The following DCBLD2 variants were observed in gnomAD, a reference collection of about 807,000 sequenced individuals.
The protein encoded by DCBLD2 is discoidin, CUB and LCCL domain-containing protein 2.
DCBLD2 carries 54 observed loss-of-function variants against 86.8 expected under a neutral mutation model. The ratio of observed to expected loss-of-function variants is 0.62; its 90% CI spans 0.50 to 0.78. DCBLD2 has a LOEUF of 0.78. DCBLD2 is among the 30% of genes least tolerant of loss of function. The pLI is 0.00. For missense variants in DCBLD2, 908 were observed against 954.2 expected (o/e 0.95, Z 0.64); for synonymous variants, 354 against 341.3 (o/e 1.04, Z -0.41).
chr3:98,855,944 C>G (rs1002418564), intron 2 of DCBLD2, among the ~76,000 whole-genome samples: 10 of 152,154 alleles, frequency 6.6e-5, no homozygotes, highest in African/African-American at 2.2e-4. Context: ...CTAGCTCTTA[C>G]TAAGTTGACA....
chr3:98,820,263 T>C lies in DCBLD2; in HGVS notation c.856A>G (p.Thr286Ala). Residue 286 changes from threonine (T) to alanine (A), a missense_variant, in exon 7 of 16, where the codon ACA (threonine) becomes GCA (alanine). By Grantham distance (58) the Thr-to-Ala change is moderately conservative (BLOSUM62 0). This residue lies in a region of DCBLD2 where 606 missense variants were observed against 678.5 expected (regional missense o/e 0.89). Coordinates refer to ENST00000326840, the MANE Select transcript of DCBLD2 (RefSeq NM_080927.4). ...AAAGGCTTACCACTTGTCTTAAATG[T>C]AAAAAGACTTGTAGATAAGTGTCCC... is the stretch of plus-strand genomic sequence containing the variant. ...VVGHLSTSLF[T>A]FKTSGCYGTL... 1.4e-6 allele frequency: 2 copies of C among 1,472,546 alleles called. No individual in the cohort carries two copies. The highest frequency in any genetic ancestry group is 9.0e-7 in the Non-Finnish European group (1 of 1,113,088). The allele number at this position is 1,472,546 out of a possible 1,614,324, so 91.2% of individuals were successfully genotyped here.
At chr3:98,811,819 T>C (rs962355571) in intron 10 of DCBLD2, among the ~76,000 whole-genome samples, 3 of 152,186 alleles carry the variant, frequency 2.0e-5, no homozygotes, top group Non-Finnish European at 4.4e-5. Context: ...TGATGTTGAA[T>C]GCTAAAGCTA....
intron 1 of DCBLD2, chr3:98,890,506 G>C (rs1202978968): frequency 6.6e-6 from 1 of 151,864 alleles, no homozygotes; most frequent in East Asian, 1.9e-4. Flanking sequence ...CTTTGTTACA[G>C]CTGCCCTAGG....
At chr3:98,823,109 G>A (rs1388029393) in intron 4 of DCBLD2, among the ~76,000 whole-genome samples, 1 of 152,250 alleles carries the variant, frequency 6.6e-6, no homozygotes, top group Middle Eastern at 3.4e-3. Flanking sequence ...CTGACCTCAG[G>A]TGATCCGCCC....
intron 2 of DCBLD2, among the ~76,000 whole-genome samples, chr3:98,862,867 C>A (rs908733197): frequency 6.6e-6 from 1 of 152,070 alleles, no homozygotes; most frequent in East Asian, 1.9e-4. Flanking sequence ...GAAGTTCTGG[C>A]CAGGGCAATC....
chr3:98,817,058 T>C (rs1239809678), intron 9 of DCBLD2, among the ~76,000 whole-genome samples: 2 of 152,210 alleles, frequency 1.3e-5, no homozygotes, highest in African/African-American at 4.8e-5. Context: ...TGAGCCATCA[T>C]GCCCAGCCCC....
intron 2 of DCBLD2, among the ~76,000 whole-genome samples, chr3:98,877,302 A>G (rs1298437321): frequency 1.3e-5 from 2 of 152,174 alleles, no homozygotes; most frequent in African/African-American, 4.8e-5. Context: ...AGCCTAAAGA[A>G]TTTTTTAATG....
chr3:98,833,610 G>A (rs1374966971), intron 3 of DCBLD2, among the ~76,000 whole-genome samples: 2 of 152,322 alleles, frequency 1.3e-5, no homozygotes, highest in African/African-American at 2.4e-5. Flanking sequence ...GTGGTCAGGT[G>A]GGGGTACAGT....
chr3:98,808,824 T>G (rs1941884951), intron 12 of DCBLD2, among the ~76,000 whole-genome samples: 1 of 152,170 alleles, frequency 6.6e-6, no homozygotes, highest in Non-Finnish European at 1.5e-5. Flanking sequence ...TATTGGCAAT[T>G]CCATTCCTAG....
chr3:98,870,675 AG>A (rs1943245187), intron 2 of DCBLD2, among the ~76,000 whole-genome samples: 3 of 150,468 alleles, frequency 2.0e-5, no homozygotes, highest in Non-Finnish European at 4.4e-5. Context: ...AGAGAGAGAG[AG>A]AGAAATAGAG....
chr3:98,853,899 C>A (rs1217798458), intron 2 of DCBLD2, among the ~76,000 whole-genome samples: 1 of 152,184 alleles, frequency 6.6e-6, no homozygotes, highest in Non-Finnish European at 1.5e-5. Flanking sequence ...AACAAAAGCA[C>A]ATCAGCTCTG....
At chr3:98,867,896 A>G (rs1203923657) in intron 2 of DCBLD2, among the ~76,000 whole-genome samples, 1 of 150,944 alleles carries the variant, frequency 6.6e-6, no homozygotes, top group African/African-American at 2.4e-5. Flanking sequence ...TCCGCCTCCC[A>G]GGTTCATGCC....
At chr3:98,873,630 A>C (rs1943317020) in intron 2 of DCBLD2, among the ~76,000 whole-genome samples, 1 of 152,118 alleles carries the variant, frequency 6.6e-6, no homozygotes, top group Non-Finnish European at 1.5e-5. Flanking sequence ...ATGTGATCAA[A>C]GTAAAATTCA....
chr3:98,807,917 G>T (rs951479913), intron 13 of DCBLD2, 164 bp downstream of exon 13: 4 of 442,584 alleles, frequency 9.0e-6, no homozygotes, highest in Non-Finnish European at 1.5e-5. Context: ...TTGTGGAATT[G>T]AACTTATTTA....
rs1282652991 is a variant in DCBLD2 at position 98,850,247 on chromosome 3, G to A, written c.434-649C>T. Among the ~76,000 whole-genome samples, 4 of 152,122 alleles carry A rather than the reference G, an allele frequency of 2.6e-5. No individual in the cohort carries two copies. The East Asian group carries it at 7.7e-4, about 29-fold the overall frequency. ...GTGCCTCATCTTTTGGTCTCCCTGG[G>A]CCACAGTGGAAAAAGAATTGTCTTG... On this transcript the variant is annotated intron_variant, in intron 2 of 15. Coordinates refer to ENST00000326840, the MANE Select transcript of DCBLD2 (RefSeq NM_080927.4).
intron 2 of DCBLD2, among the ~76,000 whole-genome samples, chr3:98,878,362 C>T (rs1458550937): frequency 1.3e-5 from 2 of 152,112 alleles, no homozygotes; most frequent in African/African-American, 4.8e-5. Context: ...AATGAGGAAG[C>T]ATCAGACACA....
intron 3 of DCBLD2, among the ~76,000 whole-genome samples, chr3:98,835,938 C>CTTTCTTTATTTTT (rs56279917): frequency 8.7e-6 from 1 of 115,054 alleles, no homozygotes; most frequent in Non-Finnish European, 1.8e-5. Context: ...TCCTTTCTTT[C>CTTTCTTTATTTTT]TTTTTTTTTT....
At chr3:98,839,208 TTTCTTTCC>T (rs1942573898) in intron 3 of DCBLD2, among the ~76,000 whole-genome samples, 1 of 107,550 alleles carries the variant, frequency 9.3e-6, no homozygotes, top group Admixed American at 1.1e-4. Context: ...TCCTTCCTTC[TTTCTTTCC>T]TTCTTTCCTT....
At chr3:98,855,533 C>T (rs1412988437) in intron 2 of DCBLD2, among the ~76,000 whole-genome samples, 3 of 152,130 alleles carry the variant, frequency 2.0e-5, no homozygotes, top group African/African-American at 4.8e-5. Context: ...ACAAACATAA[C>T]ATTAAAATTT....
Sources: allele counts gnomAD v4.1 joint callset (sites outside exome capture counted in the v4.1 genomes callset), GRCh38; gene constraint gnomAD v4.1.1; regional missense constraint gnomAD v4.1.1; transcripts MANE v1.5; gene names NCBI Gene and HGNC (gene_info 2026-07-23, HGNC 2026-07-21).